SLC24A2: variants seen among roughly 807,000 people sequenced by gnomAD.
SLC24A2 encodes the protein sodium/potassium/calcium exchanger 2.
SLC24A2 carries 36 observed loss-of-function variants against 62.0 expected under a neutral mutation model. The ratio of observed to expected loss-of-function variants is 0.58; its 90% CI spans 0.44 to 0.77. The LOEUF (loss-of-function observed/expected upper bound fraction) is 0.77, where lower values mean the gene tolerates loss of function less well. Among genes scored for constraint, SLC24A2 ranks in the 30% least tolerant of loss-of-function variants. The pLI, the probability that SLC24A2 is intolerant of heterozygous loss-of-function variation, is 0.00. For missense variants in SLC24A2, 846 were observed against 817.9 expected, an observed-to-expected ratio of 1.03 and a Z score of -0.42; for synonymous variants, 358 against 294.0, an observed-to-expected ratio of 1.22 and a Z score of -2.23.
the SLC24A2 span, chr9:19,928,445 G>A: frequency 6.6e-6 from 1 of 152,232 alleles, no homozygotes; most frequent in East Asian, 1.9e-4. Context: ...GCAAGTCCCA[G>A]CTCATACTCT....
At chr9:20,013,558 AT>A in the SLC24A2 span, among the ~76,000 whole-genome samples, 1 of 152,252 alleles carries the variant, frequency 6.6e-6, no homozygotes, top group African/African-American at 2.4e-5. Flanking sequence ...AAATTGACAA[AT>A]GAGATGGCAT....
chr9:19,535,116 T>C (rs1008282329), intron 8 of SLC24A2, among the ~76,000 whole-genome samples: 4 of 152,232 alleles, frequency 2.6e-5, no homozygotes, highest in Non-Finnish European at 5.9e-5. Flanking sequence ...CCAGTGATGA[T>C]GAGCTTTTTT....
chr9:20,245,384 G>A, the SLC24A2 span, among the ~76,000 whole-genome samples: 1 of 152,334 alleles, frequency 6.6e-6, no homozygotes, highest in African/African-American at 2.4e-5. Context: ...GAGGATCCCA[G>A]AGAGAGGCAA....
At position 19,545,705 on chromosome 9, in the gene SLC24A2, C is replaced by T. The variant is rs146782473; in HGVS notation, c.1479+4432G>A. 4.0e-4 allele frequency among the ~76,000 whole-genome samples: 60 copies of T among 151,740 alleles called. 2 individuals are homozygous for T. Among genetic ancestry groups the T allele is most frequent in the African/African-American group, 1.4e-3 (58 of 41,344 alleles). The stretch of plus-strand genomic sequence containing the variant: ...TTACGCTGGAGTGCAGTGGTGCAAT[C>T]ATGGCTCACTGCAAGCTCCACCTCC... On this transcript the variant is annotated intron_variant, in intron 8 of 10. Coordinates refer to ENST00000341998, the MANE Select transcript of SLC24A2 (RefSeq NM_020344.4).
chr9:19,789,471 G>A (rs1823278406), upstream of SLC24A2, among the ~76,000 whole-genome samples: 1 of 152,228 alleles, frequency 6.6e-6, no homozygotes, highest in South Asian at 2.1e-4. Context: ...CAGGCTGTTG[G>A]GGTCCAGGGT....
the SLC24A2 span, among the ~76,000 whole-genome samples, chr9:20,137,908 A>G: frequency 3.9e-5 from 6 of 152,218 alleles, no homozygotes; most frequent in African/African-American, 1.4e-4. Flanking sequence ...GTTAGAGAAC[A>G]GAGTGAATAG....
At position 19,769,467 on chromosome 9, in the gene SLC24A2, A is replaced by G. The variant is rs937206418; in HGVS notation, c.930+16470T>C. Among the ~76,000 whole-genome samples, 12 of 152,350 alleles carry G rather than the reference A, an allele frequency of 7.9e-5. 1 individual carries two copies. Among genetic ancestry groups the G allele is most frequent in the African/African-American group, 2.9e-4 (12 of 41,576 alleles). On this transcript the variant is annotated intron_variant, in intron 2 of 10. Transcript: ENST00000341998. ...TCTAACATGAGTCACAGTGAACATG[A>G]GTCAGACTTTGTCAGTATTTCTTTG...
chr9:20,134,808 G>C, the SLC24A2 span, among the ~76,000 whole-genome samples: 1 of 152,116 alleles, frequency 6.6e-6, no homozygotes, highest in African/African-American at 2.4e-5. Flanking sequence ...ACTAAATTCT[G>C]CTATGCAGAA....
the SLC24A2 span, among the ~76,000 whole-genome samples, chr9:19,842,907 T>C: frequency 1.3e-5 from 2 of 152,188 alleles, no homozygotes; most frequent in African/African-American, 4.8e-5. Flanking sequence ...ATTTTATACT[T>C]TATAATGTTT....
At chr9:19,798,929 A>C in the SLC24A2 span, among the ~76,000 whole-genome samples, 1 of 152,154 alleles carries the variant, frequency 6.6e-6, no homozygotes, top group Non-Finnish European at 1.5e-5. Context: ...CTTCGGGAAT[A>C]ATTACAATTA....
At chr9:20,214,052 G>C in the SLC24A2 span, among the ~76,000 whole-genome samples, 2 of 152,214 alleles carry the variant, frequency 1.3e-5, no homozygotes, top group Admixed American at 1.3e-4. Flanking sequence ...TCTTTTTTAA[G>C]AGTTAAAAAT....
intron 2 of SLC24A2, among the ~76,000 whole-genome samples, chr9:19,695,017 A>G (rs1161338247): frequency 1.3e-5 from 2 of 151,330 alleles, no homozygotes; most frequent in African/African-American, 2.4e-5. Context: ...AATTTGGGGC[A>G]AATAAAAAGG....
chr9:19,909,726 C>T, the SLC24A2 span, among the ~76,000 whole-genome samples: 1 of 151,928 alleles, frequency 6.6e-6, no homozygotes, highest in African/African-American at 2.4e-5. Context: ...TAAATTTATG[C>T]CCTGATTTTA....
the SLC24A2 span, among the ~76,000 whole-genome samples, chr9:20,140,129 G>C: frequency 6.6e-6 from 1 of 152,168 alleles, no homozygotes; most frequent in African/African-American, 2.4e-5. Flanking sequence ...GAGATGCGGC[G>C]AGAGAGTTGT....
chr9:19,585,078 T>C (rs1836330714), intron 5 of SLC24A2, among the ~76,000 whole-genome samples: 1 of 152,210 alleles, frequency 6.6e-6, no homozygotes, highest in African/African-American at 2.4e-5. Flanking sequence ...AAACCCATTA[T>C]ACAATGAAAT....
the SLC24A2 span, among the ~76,000 whole-genome samples, chr9:20,055,758 G>A: frequency 2.0e-5 from 3 of 152,006 alleles, no homozygotes; most frequent in African/African-American, 7.3e-5. Context: ...TGTGGTGGTG[G>A]GAGCCTGTAA....
chr9:20,305,490 T>C, the SLC24A2 span, among the ~76,000 whole-genome samples: 1 of 152,268 alleles, frequency 6.6e-6, no homozygotes, highest in East Asian at 1.9e-4. Flanking sequence ...TTAACATCTT[T>C]AAAAGATGTA....
chr9:20,249,195 C>G, the SLC24A2 span, among the ~76,000 whole-genome samples: 1 of 152,142 alleles, frequency 6.6e-6, no homozygotes, highest in Admixed American at 6.5e-5. Context: ...CTGGTTGCCT[C>G]AAAGAGCAAT....
At chr9:19,872,554 G>A in the SLC24A2 span, among the ~76,000 whole-genome samples, 17 of 152,152 alleles carry the variant, frequency 1.1e-4, no homozygotes, top group African/African-American at 4.1e-4. Context: ...TGTCTCATAC[G>A]GCTCTGAGAG....
Sources: gnomAD v4.1 joint callset for allele counts (sites outside exome capture counted in the v4.1 genomes callset) on GRCh38, gnomAD v4.1.1 for gene constraint, MANE v1.5 for transcripts, NCBI Gene and HGNC (gene_info 2026-07-23, HGNC 2026-07-21) for gene names.